Variants in SOD2 observed in about 807,000 individuals in gnomAD.
SOD2 encodes superoxide dismutase [Mn], mitochondrial.
In SOD2, 11 loss-of-function variants were observed where a neutral mutation model predicts 27.0. That is an observed-to-expected ratio of 0.41 (90% CI 0.26 to 0.67). The LOEUF is 0.67. Among genes scored for constraint, SOD2 ranks in the 30% least tolerant of loss-of-function variants. SOD2 has a pLI of 0.34. For missense variants in SOD2, 250 were observed against 274.5 expected, an observed-to-expected ratio of 0.91 and a Z score of 0.63; for synonymous variants, 105 against 103.0, an observed-to-expected ratio of 1.02 and a Z score of -0.12.
upstream of SOD2, among the ~76,000 whole-genome samples, chr6:159,697,608 C>T (rs1369805888): frequency 6.6e-6 from 1 of 152,168 alleles, no homozygotes; most frequent in Non-Finnish European, 1.5e-5. Context: ...ATAAAGTGGG[C>T]ATGTGTCGCA....
intron 1 of SOD2, among the ~76,000 whole-genome samples, chr6:159,709,592 G>T (rs1777691439): frequency 6.6e-6 from 1 of 152,112 alleles, no homozygotes; most frequent in African/African-American, 2.4e-5. Context: ...AGTAAGAATG[G>T]CAATCATTAA....
chr6:159,713,695 C>T, intron 1 of SOD2: 1 of 902,396 alleles, frequency 1.1e-6, no homozygotes, highest in Non-Finnish European at 1.8e-6. Context: ...CTATTCAGAC[C>T]TGTGTGCTTC....
At chr6:159,726,451 C>T (rs1778173460) in intron 1 of SOD2, 1 of 202,390 alleles carries the variant, frequency 4.9e-6, no homozygotes, top group Admixed American at 5.3e-5. Context: ...TACTACAAGA[C>T]ACTCCTTTGG....
chr6:159,715,979 T>C (rs1562440564), intron 1 of SOD2, among the ~76,000 whole-genome samples: 1 of 152,234 alleles, frequency 6.6e-6, no homozygotes. Flanking sequence ...GCTTTTTGTC[T>C]TATAAAAGTT....
chr6:159,710,937 A>G (rs1216494821), intron 1 of SOD2, among the ~76,000 whole-genome samples: 2 of 133,450 alleles, frequency 1.5e-5, no homozygotes, highest in African/African-American at 5.4e-5. Flanking sequence ...AACCACCTCC[A>G]TAACCACCAC....
chr6:159,722,160 T>G (rs1778055164), intron 1 of SOD2, among the ~76,000 whole-genome samples: 1 of 151,634 alleles, frequency 6.6e-6, no homozygotes, highest in Non-Finnish European at 1.5e-5. Context: ...GGAGCATCAC[T>G]TGAGCCCAGG....
upstream of SOD2, among the ~76,000 whole-genome samples, chr6:159,731,212 A>G (rs1369933219): frequency 4.6e-5 from 7 of 151,994 alleles, no homozygotes; most frequent in Non-Finnish European, 8.8e-5. Context: ...CTGTAGTCCC[A>G]GCACTTTTGG....
At chr6:159,723,527 C>T (rs1317828978) in intron 1 of SOD2, among the ~76,000 whole-genome samples, 2 of 152,300 alleles carry the variant, frequency 1.3e-5, no homozygotes, top group East Asian at 3.9e-4. Context: ...CAAAGGAGCT[C>T]TGGATCTTTT....
chr6:159,751,182 A>C (rs1779806470), intron 1 of SOD2, among the ~76,000 whole-genome samples: 1 of 152,212 alleles, frequency 6.6e-6, no homozygotes, highest in Non-Finnish European at 1.5e-5. Context: ...ATTTTGTTAA[A>C]ATTTATTTTA....
chr6:159,756,950 A>T (rs1284127490), intron 1 of SOD2, among the ~76,000 whole-genome samples: 1 of 152,082 alleles, frequency 6.6e-6, no homozygotes, highest in Non-Finnish European at 1.5e-5. Context: ...TTGTGACCTG[A>T]TTTCAAGTAG....
Position 159,754,903 on chromosome 6 carries a change from T to C in SOD2, c.-336+6134A>G, listed in dbSNP as rs1022336425. On this transcript the variant is annotated intron_variant, in intron 1 of 7. Coordinates refer to the SOD2 transcript ENST00000546087. Reference sequence around the variant, plus strand: ...CCAAGCAAAATTTTTAAATGTAGTGTGATTTTAGAATTGTATTTGTTTACT... The same window carrying C: ...CCAAGCAAAATTTTTAAATGTAGTGCGATTTTAGAATTGTATTTGTTTACT... The C allele has an allele frequency of 3.8e-6, 4 of 1,051,726 alleles. No homozygotes were observed. In the East Asian group the frequency reaches 8.2e-5, roughly 22 times the overall value. The allele number at this position is 1,051,726 out of a possible 1,614,324, so 65.1% of individuals were successfully genotyped here.
upstream of SOD2, among the ~76,000 whole-genome samples, chr6:159,696,404 C>T (rs1777422186): frequency 6.6e-6 from 1 of 152,126 alleles, no homozygotes; most frequent in African/African-American, 2.4e-5. Flanking sequence ...ACTGCAACCT[C>T]CACCTCCTGA....
chr6:159,685,265 G>A (rs1161476890), intron 3 of SOD2, among the ~76,000 whole-genome samples: 1 of 98,930 alleles, frequency 1.0e-5, no homozygotes, highest in Admixed American at 1.4e-4. Context: ...CTTTTGAGAC[G>A]GAGTTTCACT....
chr6:159,674,920 T>G lies in SOD2; in HGVS notation c.*7573A>C, dbSNP rs764051052. ...AAAATCTCAGGATACAAAATCAATG[T>G]GCAAAAATCACAAGCATTCTTATAC... On this transcript the variant is annotated 3_prime_UTR_variant, in exon 5 of 5. Coordinates refer to ENST00000538183, the MANE Select transcript of SOD2 (RefSeq NM_000636.4). The G allele has an allele frequency of 6.6e-6, 1 of 152,200 alleles. No homozygotes were observed. Among genetic ancestry groups the G allele is most frequent in the African/African-American group, 2.4e-5 (1 of 41,446 alleles). The allele number at this position is 152,200 out of a possible 1,614,324, so 9.4% of individuals were successfully genotyped here.
At chr6:159,759,657 G>A (rs1395808053) in intron 1 of SOD2, among the ~76,000 whole-genome samples, 3 of 288 alleles carry the variant, frequency 0.01, no homozygotes, top group African/African-American at 0.011. Flanking sequence ...GTGACAGAGC[G>A]AGCTCCGTCT....
chr6:159,726,969 G>C lies in SOD2; in HGVS notation c.-116+160C>G, dbSNP rs549838851. ...CACGGATGAGCGTCACGAACACAGA[G>C]CGGCCAATCACGCGCCGCCTTCGCC... On this transcript the variant is annotated intron_variant, in intron 1 of 2. Coordinates refer to the SOD2 transcript ENST00000401980. 148 of 1,283,850 alleles carry C rather than the reference G, an allele frequency of 1.2e-4. 1 individual carries two copies. Among genetic ancestry groups the C allele is most frequent in the Non-Finnish European group, 1.5e-4 (146 of 985,800 alleles). 79.5% of individuals were successfully genotyped at this position (1,283,850 alleles called of 1,614,324 possible).
chr6:159,718,397 C>T (rs1191789744), intron 1 of SOD2, among the ~76,000 whole-genome samples: 2 of 151,918 alleles, frequency 1.3e-5, no homozygotes, highest in East Asian at 1.9e-4. Flanking sequence ...TACATGGGAA[C>T]GCAGATATCT....
chr6:159,698,908 G>C (rs1023660538), intron 1 of SOD2, among the ~76,000 whole-genome samples: 8 of 128,914 alleles, frequency 6.2e-5, no homozygotes, highest in Non-Finnish European at 1.1e-4. Context: ...GTAGGCTGAG[G>C]AAGAGAGGTT....
intron 1 of SOD2, among the ~76,000 whole-genome samples, chr6:159,716,251 A>C (rs1777919748): frequency 6.6e-6 from 1 of 152,224 alleles, no homozygotes; most frequent in Non-Finnish European, 1.5e-5. Context: ...TTTACCTAAT[A>C]AAAAGTACAA....
Sources: allele counts gnomAD v4.1 joint callset (sites outside exome capture counted in the v4.1 genomes callset), GRCh38; gene constraint gnomAD v4.1.1; transcripts MANE v1.5; gene names NCBI Gene and HGNC (gene_info 2026-07-23, HGNC 2026-07-21).